The following ADAMTSL3 variants were observed in gnomAD, a reference collection of about 807,000 sequenced individuals.
ADAMTSL3 encodes the protein ADAMTS like 3, also known as ADAMTS-like protein 3.
ADAMTSL3 carries 128 observed loss-of-function variants against 201.7 expected under a neutral mutation model. That is an observed-to-expected ratio of 0.63 (90% CI 0.55 to 0.73). The LOEUF is 0.73. Among genes scored for constraint, ADAMTSL3 ranks in the 30% least tolerant of loss-of-function variants. The pLI, the probability that ADAMTSL3 is intolerant of heterozygous loss-of-function variation, is 0.00. For synonymous variants in ADAMTSL3, 738 were observed against 748.4 expected (o/e 0.99, Z 0.23); for missense variants, 1,990 against 2,119.6 (o/e 0.94, Z 1.20).
At chr15:83,757,358 G>A (rs1161467623) in intron 3 of ADAMTSL3, among the ~76,000 whole-genome samples, 6 of 152,242 alleles carry the variant, frequency 3.9e-5, no homozygotes, top group Non-Finnish European at 8.8e-5. Context: ...CCACATGGTA[G>A]TTGCCAAGGC....
At chr15:83,911,623 T>C (rs1255763657) in intron 15 of ADAMTSL3, among the ~76,000 whole-genome samples, 1 of 152,228 alleles carries the variant, frequency 6.6e-6, no homozygotes, top group Non-Finnish European at 1.5e-5. Flanking sequence ...CTAACAATTT[T>C]CAACACAATG....
intron 4 of ADAMTSL3, among the ~76,000 whole-genome samples, chr15:83,786,265 C>G (rs1335877761): frequency 6.6e-6 from 1 of 152,150 alleles, no homozygotes; most frequent in Non-Finnish European, 1.5e-5. Flanking sequence ...GCGTTAGCCA[C>G]CACGCCTGGT....
intron 2 of ADAMTSL3, among the ~76,000 whole-genome samples, chr15:83,669,996 G>A (rs539046980): frequency 3.3e-5 from 5 of 151,186 alleles, no homozygotes; most frequent in South Asian, 2.1e-4. Flanking sequence ...GGTGGCTCAC[G>A]CTTGTAATCC....
chr15:83,676,125 C>T (rs2141407471), intron 2 of ADAMTSL3, among the ~76,000 whole-genome samples: 1 of 149,362 alleles, frequency 6.7e-6, no homozygotes, highest in East Asian at 1.9e-4. Flanking sequence ...TTATTTTCTT[C>T]CTTCTGGTCA....
At position 83,868,030 on chromosome 15, in the gene ADAMTSL3, C is replaced by T. The variant is rs545137077; in HGVS notation, c.803-2772C>T. On this transcript the variant is annotated intron_variant, in intron 8 of 29. Coordinates refer to ENST00000286744, the MANE Select transcript of ADAMTSL3 (RefSeq NM_207517.3). ...ACTACCTATCATATCTTCCTCAACA[C>T]TTCCCTCCCTCCCCTCAATATTAAG... 3.9e-5 allele frequency among the ~76,000 whole-genome samples: 6 copies of T among 152,292 alleles called. No individual in the cohort carries two copies. The East Asian group carries it at 1.2e-3, about 29-fold the overall frequency.
intron 3 of ADAMTSL3, among the ~76,000 whole-genome samples, chr15:83,767,130 GAC>G (rs961018386): frequency 6.6e-5 from 10 of 152,038 alleles, no homozygotes; most frequent in African/African-American, 2.4e-4. Flanking sequence ...ATGAGCCTTG[GAC>G]ACACATGGTT....
intron 6 of ADAMTSL3, among the ~76,000 whole-genome samples, chr15:83,824,438 A>G (rs1004467939): frequency 5.3e-5 from 8 of 152,196 alleles, no homozygotes; most frequent in African/African-American, 1.7e-4. Context: ...ATTCCCCACT[A>G]AAGTGATACA....
At chr15:83,896,418 T>G (rs1347362148) in intron 13 of ADAMTSL3, among the ~76,000 whole-genome samples, 1 of 152,178 alleles carries the variant, frequency 6.6e-6, no homozygotes, top group East Asian at 1.9e-4. Context: ...GAAAGGAAAT[T>G]ATAAGAAATT....
intron 5 of ADAMTSL3, among the ~76,000 whole-genome samples, chr15:83,816,361 G>T (rs1170760787): frequency 2.0e-5 from 3 of 152,224 alleles, no homozygotes; most frequent in Non-Finnish European, 4.4e-5. Flanking sequence ...ATAGTCAGCT[G>T]TGGCCAAGGG....
intron 2 of ADAMTSL3, among the ~76,000 whole-genome samples, chr15:83,677,344 G>A (rs1397333945): frequency 1.3e-5 from 2 of 152,090 alleles, no homozygotes; most frequent in Non-Finnish European, 2.9e-5. Context: ...TTTCTATCTA[G>A]TTATTCAAAA....
intron 3 of ADAMTSL3, among the ~76,000 whole-genome samples, chr15:83,718,770 A>G (rs1261122691): frequency 1.3e-5 from 2 of 152,098 alleles, no homozygotes; most frequent in African/African-American, 2.4e-5. Flanking sequence ...CATGTCAACT[A>G]TGTTTATATC....
intron 2 of ADAMTSL3, among the ~76,000 whole-genome samples, chr15:83,684,570 A>G (rs904594624): frequency 6.6e-6 from 1 of 152,036 alleles, no homozygotes; most frequent in Non-Finnish European, 1.5e-5. Context: ...GCAAGACCCC[A>G]TCTCTAGGGA....
At chr15:83,659,082 G>A (rs1180540730) in intron 2 of ADAMTSL3, among the ~76,000 whole-genome samples, 1 of 152,196 alleles carries the variant, frequency 6.6e-6, no homozygotes, top group Non-Finnish European at 1.5e-5. Context: ...GGGAGGTGCT[G>A]TACTGTTTAG....
At chr15:83,727,189 G>A (rs899310524) in intron 3 of ADAMTSL3, among the ~76,000 whole-genome samples, 5 of 151,334 alleles carry the variant, frequency 3.3e-5, no homozygotes, top group African/African-American at 1.2e-4. Context: ...GCATATAGTT[G>A]CTCGTAATAA....
At chr15:83,816,650 A>C (rs2063776648) in intron 5 of ADAMTSL3, among the ~76,000 whole-genome samples, 1 of 152,164 alleles carries the variant, frequency 6.6e-6, no homozygotes, top group Non-Finnish European at 1.5e-5. Context: ...GAGGTGATGT[A>C]ATTTTGTAAC....
rs764433618 is a variant in ADAMTSL3, at chr15:83,704,341, G to C, written c.70-48G>C. The C allele has an allele frequency of 9.3e-6, 15 of 1,613,210 alleles. 1 individual carries two copies. In the South Asian group the frequency reaches 1.6e-4, roughly 18 times the overall value. On this transcript the variant is annotated intron_variant, in intron 2 of 29. Coordinates refer to ENST00000286744, the MANE Select transcript of ADAMTSL3 (RefSeq NM_207517.3). The stretch of plus-strand genomic sequence containing the variant: ...GCCTTCTTGGACTTTACCTGTCAGG[G>C]GGTCCTTACTGGAGCCTTATTTGTG...
chr15:83,822,242 G>A (rs1379715308), intron 6 of ADAMTSL3, among the ~76,000 whole-genome samples: 9 of 150,634 alleles, frequency 6.0e-5, no homozygotes, highest in Admixed American at 2.6e-4. Context: ...CCCAGACGGG[G>A]TGGCTGCTGG....
At chr15:83,777,150 A>G (rs2063089578) in intron 4 of ADAMTSL3, among the ~76,000 whole-genome samples, 2 of 152,202 alleles carry the variant, frequency 1.3e-5, no homozygotes, top group African/African-American at 4.8e-5. Context: ...CACCTCCAGC[A>G]TGACTGAACA....
In ADAMTSL3 at chr15:83,987,218, G is replaced by A. The variant is rs2067496238; in HGVS notation, c.3717-1473G>A. Among the ~76,000 whole-genome samples, 4 of 152,242 alleles carry A rather than the reference G, an allele frequency of 2.6e-5. No individual in the cohort carries two copies. The South Asian group carries it at 8.3e-4, about 32-fold the overall frequency. On this transcript the variant is annotated intron_variant, in intron 21 of 29. Coordinates refer to ENST00000286744, the MANE Select transcript of ADAMTSL3 (RefSeq NM_207517.3). ...CTGAAAATCTTGCCTTACTAACAGCGAGGTCTGCCATACTCTTGTTGCTCT... is the reference window on the plus strand; with the variant it reads ...CTGAAAATCTTGCCTTACTAACAGCAAGGTCTGCCATACTCTTGTTGCTCT...
Sources: gnomAD v4.1 joint callset for allele counts (sites outside exome capture counted in the v4.1 genomes callset) on GRCh38, gnomAD v4.1.1 for gene constraint, MANE v1.5 for transcripts, NCBI Gene and HGNC (gene_info 2026-07-23, HGNC 2026-07-21) for gene names.